Variants in DYNC2H1 observed in about 807,000 individuals in gnomAD.
DYNC2H1 encodes dynein cytoplasmic 2 heavy chain 1.
Under a neutral mutation model 570.0 loss-of-function variants are expected in DYNC2H1, and 410 were observed. That is an observed-to-expected ratio of 0.72 (90% CI 0.66 to 0.78). The LOEUF is 0.78. Among genes scored for constraint, DYNC2H1 ranks in the 30% least tolerant of loss-of-function variants. The probability of loss-of-function intolerance (pLI) is 0.00; values close to 1 mark genes in which losing one functional copy is unlikely to be tolerated. For synonymous variants in DYNC2H1, 1,688 were observed against 1,677.6 expected, an observed-to-expected ratio of 1.01 and a Z score of -0.15; for missense variants, 4,865 against 5,046.4, an observed-to-expected ratio of 0.96 and a Z score of 1.09.
chr11:103,272,116 A>G (rs1175188401), intron 70 of DYNC2H1, among the ~76,000 whole-genome samples: 2 of 152,234 alleles, frequency 1.3e-5, no homozygotes, highest in Non-Finnish European at 2.9e-5. Context: ...GTAAAGACAC[A>G]TGCACACATA....
At chr11:103,415,166 C>T (rs945863367) in intron 84 of DYNC2H1, among the ~76,000 whole-genome samples, 3 of 152,204 alleles carry the variant, frequency 2.0e-5, no homozygotes, top group South Asian at 2.1e-4. Context: ...AAAATTAATT[C>T]GAGATGGATT....
chr11:103,181,670 A>C lies in DYNC2H1; in HGVS notation c.6348-87A>C, dbSNP rs1170833176. 9 of 1,379,216 alleles carry C rather than the reference A, an allele frequency of 6.5e-6. No homozygotes were observed. The highest frequency in any genetic ancestry group is 3.9e-6 in the Non-Finnish European group (4 of 1,018,950). 85.4% of individuals were successfully genotyped at this position (1,379,216 alleles called of 1,614,324 possible). A position where few individuals can be genotyped will look rare whatever the true frequency, so the allele number is the denominator to read the frequency against. The stretch of plus-strand genomic sequence containing the variant: ...GCTAGCAGACAAAATATGTGCGTAG[A>C]ATAATGTTTATTGGAGAAGAAATTT... On this transcript the variant is annotated intron_variant, in intron 39 of 88. Coordinates refer to ENST00000375735, the MANE Select transcript of DYNC2H1 (RefSeq NM_001377.3). The surrounding 1 kb of genome is among the most constrained non-coding windows in gnomAD (Gnocchi z 5.0).
chr11:103,383,390 T>C (rs1941736908), intron 83 of DYNC2H1, among the ~76,000 whole-genome samples: 1 of 152,200 alleles, frequency 6.6e-6, no homozygotes, highest in Admixed American at 6.6e-5. Flanking sequence ...CCTTTTCATT[T>C]GCACGTCCTT....
Position 103,189,720 on chromosome 11 carries a change from AC to A in DYNC2H1, c.7343del (p.Pro2448GlnfsTer7). 1.9e-6 allele frequency: 3 copies of A among 1,613,014 alleles called. No homozygotes were observed. The highest frequency in any genetic ancestry group is 2.5e-6 in the Non-Finnish European group (3 of 1,179,440). The part of the protein sequence containing the change: ...LQTIYGAYLE[P>X]VLHKNLKNHS... ...AAACGATTTATGGAGCATATTTGGA[AC>A]CAGTTCTACATAAAAATCTGAAGAA... On this transcript the variant is annotated frameshift_variant, in exon 45 of 89. Coordinates refer to ENST00000375735, the MANE Select transcript of DYNC2H1 (RefSeq NM_001377.3). LOFTEE classifies it high-confidence loss of function. This position sits in a 1 kb window ranked among gnomAD's most constrained non-coding sequence, Gnocchi z 4.3.
intron 79 of DYNC2H1, 110 bp downstream of exon 79, chr11:103,312,143 G>A (rs1018201237): frequency 8.9e-7 from 1 of 1,126,252 alleles, no homozygotes; most frequent in Non-Finnish European, 1.2e-6. Context: ...TACTGTGGGA[G>A]GCCAAGGTGG....
intron 61 of DYNC2H1, among the ~76,000 whole-genome samples, chr11:103,234,674 A>G (rs952983986): frequency 1.3e-5 from 2 of 151,862 alleles, no homozygotes; most frequent in African/African-American, 4.8e-5. Flanking sequence ...CTTTTTCTGC[A>G]ACTGCCTTGG....
At position 103,155,354 on chromosome 11, in the gene DYNC2H1, T is replaced by C. The variant is rs1230528980; in HGVS notation, c.3597T>C (p.Tyr1199=). Residue 1199 remains tyrosine, a synonymous_variant, in exon 25 of 89, where the codon TAT becomes TAC. Transcript: ENST00000375735. ...AGATCGTAATTCCTATCTTGAAATATGTGAGAGGGGAGCATCTTTCTCCAG... is the reference window on the plus strand; with the variant it reads ...AGATCGTAATTCCTATCTTGAAATACGTGAGAGGGGAGCATCTTTCTCCAG... ...KYKIVIPILK[Y]VRGEHLSPDH... 3 of 1,609,054 alleles carry C rather than the reference T, an allele frequency of 1.9e-6. No individual in the cohort carries two copies. The highest frequency in any genetic ancestry group is 2.2e-5 in the East Asian group (1 of 44,738).
intron 70 of DYNC2H1, among the ~76,000 whole-genome samples, chr11:103,262,456 G>A (rs1378820759): frequency 6.6e-6 from 1 of 152,136 alleles, no homozygotes; most frequent in Non-Finnish European, 1.5e-5. Flanking sequence ...AGAGAGAAAG[G>A]TCGGGTTACT....
chr11:103,409,683 A>C (rs552646728), intron 84 of DYNC2H1: 1 of 154,632 alleles, frequency 6.5e-6, no homozygotes, highest in East Asian at 1.9e-4. Flanking sequence ...ATCTTGGACA[A>C]CCAGCTATCA....
At position 103,176,424 on chromosome 11, in the gene DYNC2H1, T is replaced by C; in HGVS notation, c.5864T>C (p.Ile1955Thr). The change falls in exon 37 of 89, where the codon ATA (isoleucine) becomes ACA (threonine). Residue 1955 changes from isoleucine to threonine, a missense_variant. Physicochemically the swap from Ile to Thr is moderately conservative, Grantham distance 89 (BLOSUM62 -1). Around this residue, in one of 5 missense-constraint regions of DYNC2H1, gnomAD observed 292 missense variants for 300.2 expected, o/e 0.97. Coordinates refer to ENST00000375735, the MANE Select transcript of DYNC2H1 (RefSeq NM_001377.3). ...TTTGAAGAGGCCAATTATGAAATTA[T>C]ACCCAATCAGGTAACTGTCAAGAAT... ...QVFEEANYEI[I>T]PNQIKKALEL... 6.5e-7 allele frequency: 1 copy of C among 1,527,790 alleles called. No homozygotes were observed. The highest frequency in any genetic ancestry group is 8.7e-7 in the Non-Finnish European group (1 of 1,142,982). The allele number at this position is 1,527,790 out of a possible 1,614,324, so 94.6% of individuals were successfully genotyped here. A position where few individuals can be genotyped will look rare whatever the true frequency, so the allele number is the denominator to read the frequency against.
chr11:103,429,268 A>AAAC (rs1943801504), intron 84 of DYNC2H1, among the ~76,000 whole-genome samples: 1 of 152,116 alleles, frequency 6.6e-6, no homozygotes, highest in Admixed American at 6.6e-5. Context: ...CTCAAAAAAA[A>AAAC]AACAAAAACA....
chr11:103,313,316 T>C (rs1202637406), intron 79 of DYNC2H1, among the ~76,000 whole-genome samples: 1 of 152,204 alleles, frequency 6.6e-6, no homozygotes, highest in Non-Finnish European at 1.5e-5. Flanking sequence ...CTATCTGTTA[T>C]CGTCATCACA....
At chr11:103,236,233 G>A (rs1037443671) in intron 62 of DYNC2H1, among the ~76,000 whole-genome samples, 197 bp from the exon 63 acceptor site, 5 of 151,918 alleles carry the variant, frequency 3.3e-5, no homozygotes, top group Non-Finnish European at 7.4e-5. Context: ...ATAGGACTTC[G>A]TGGAGTTCCA....
Position 103,304,736 on chromosome 11 carries a change from T to C in DYNC2H1, c.11382+16T>C. 6.2e-7 allele frequency: 1 copy of C among 1,610,660 alleles called. No homozygotes were observed. The highest frequency in any genetic ancestry group is 8.5e-7 in the Non-Finnish European group (1 of 1,178,164). ...TCTGGAAAAGGTAGATTCAGATAAATGTACAAATAATATCTATTATACTCA... is the reference window on the plus strand; with the variant it reads ...TCTGGAAAAGGTAGATTCAGATAAACGTACAAATAATATCTATTATACTCA... On this transcript the variant is annotated intron_variant, in intron 77 of 88. Transcript: ENST00000375735.
At position 103,125,293 on chromosome 11, in the gene DYNC2H1, C is replaced by A; in HGVS notation, c.1855C>A (p.Gln619Lys). Reference protein sequence around the residue: ...KFCKQAIILKQVAHFYNSIDQ... With the variant: ...KFCKQAIILKKVAHFYNSIDQ... ...CTGCAAGCAAGCAATTATTCTTAAA[C>A]AAGTATGAAATTACATTTTTTGAAT... is the stretch of plus-strand genomic sequence containing the variant. Residue 619 changes from glutamine to lysine, a missense_variant and splice_region_variant, in exon 12 of 89, where the codon CAA becomes AAA. By Grantham distance (53) the Gln-to-Lys change is moderately conservative. Transcript: ENST00000375735. 2 of 1,549,220 alleles carry A rather than the reference C, an allele frequency of 1.3e-6. No individual in the cohort carries two copies. Among genetic ancestry groups the A allele is most frequent in the East Asian group, 4.9e-5 (2 of 40,470 alleles).
At chr11:103,459,105 C>T (rs796582543) in intron 87 of DYNC2H1, among the ~76,000 whole-genome samples, 66 of 151,130 alleles carry the variant, frequency 4.4e-4, no homozygotes, top group African/African-American at 1.4e-3. Flanking sequence ...GTCAGGAGAT[C>T]GAGACCATCC....
At chr11:103,375,679 G>A (rs1023717548) in intron 83 of DYNC2H1, among the ~76,000 whole-genome samples, 3 of 152,196 alleles carry the variant, frequency 2.0e-5, no homozygotes, top group Non-Finnish European at 4.4e-5. Context: ...TAGCCCCTTT[G>A]TTTTGGCCAA....
At chr11:103,322,948 G>T (rs1458303865) in intron 81 of DYNC2H1, among the ~76,000 whole-genome samples, 1 of 152,126 alleles carries the variant, frequency 6.6e-6, no homozygotes, top group African/African-American at 2.4e-5. Flanking sequence ...AGGATTGGAA[G>T]AATTTCAAAG....
chr11:103,375,984 T>G (rs1663490155), intron 83 of DYNC2H1, among the ~76,000 whole-genome samples: 1 of 152,184 alleles, frequency 6.6e-6, no homozygotes, highest in Non-Finnish European at 1.5e-5. Flanking sequence ...GTAATCCCCA[T>G]AATCCCCACC....
Sources: gnomAD v4.1 joint callset for allele counts (sites outside exome capture counted in the v4.1 genomes callset) on GRCh38, gnomAD v4.1.1 for gene constraint, gnomAD v4.1.1 regional missense constraint, Gnocchi (gnomAD v3.1) non-coding constraint, MANE v1.5 for transcripts, NCBI Gene and HGNC (gene_info 2026-07-23, HGNC 2026-07-21) for gene names.